FAM20C: variants seen among roughly 807,000 people sequenced by gnomAD.
FAM20C encodes the protein FAM20C golgi associated secretory pathway kinase.
FAM20C carries 40 observed loss-of-function variants against 51.5 expected under a neutral mutation model. The ratio of observed to expected loss-of-function variants is 0.78; its 90% CI spans 0.60 to 1.01. The LOEUF (loss-of-function observed/expected upper bound fraction) is 1.01, where lower values mean the gene tolerates loss of function less well. Ranked by LOEUF, FAM20C falls within the 50% of genes least tolerant of loss-of-function variation. The pLI is 0.00. For synonymous variants in FAM20C, 406 were observed against 380.6 expected (o/e 1.07, Z -0.78); for missense variants, 861 against 844.7 (o/e 1.02, Z -0.24).
At chr7:222,430 T>G (rs1787267343) in intron 3 of FAM20C, among the ~76,000 whole-genome samples, 1 of 151,630 alleles carries the variant, frequency 6.6e-6, no homozygotes, top group Non-Finnish European at 1.5e-5. Flanking sequence ...AGTAAGGGAG[T>G]GGATTGCCCT....
intron 3 of FAM20C, chr7:228,686 G>T: frequency 2.2e-6 from 1 of 456,284 alleles, no homozygotes; most frequent in South Asian, 1.5e-5. Flanking sequence ...GAGGTCCTTA[G>T]CATCTCAGCA....
chr7:257,027 CG>C lies in FAM20C; in HGVS notation c.1387del (p.Glu463ArgfsTer15). On this transcript the variant is annotated frameshift_variant, in exon 8 of 10. Coordinates refer to ENST00000313766, the MANE Select transcript of FAM20C (RefSeq NM_020223.4). LOFTEE classifies it high-confidence loss of function. ...LMGNMDRHHY[E>X]TFEKFGNETF... Reference sequence around the variant, plus strand: ...CAGGAAACATGGACCGTCACCACTACGAGACTTTTGAGAAGTTTGGGAATGA... The same window carrying C: ...CAGGAAACATGGACCGTCACCACTACAGACTTTTGAGAAGTTTGGGAATGA... 6.5e-7 allele frequency: 1 copy of C among 1,537,142 alleles called. No homozygotes were observed. Among genetic ancestry groups the C allele is most frequent in the Non-Finnish European group, 8.7e-7 (1 of 1,146,888 alleles).
intron 3 of FAM20C, among the ~76,000 whole-genome samples, chr7:241,133 C>A (rs1787935275): frequency 6.6e-6 from 1 of 151,612 alleles, no homozygotes; most frequent in African/African-American, 2.4e-5. Flanking sequence ...CTTCCTTGCC[C>A]CTGGGGCTGC....
intron 3 of FAM20C, among the ~76,000 whole-genome samples, chr7:234,243 G>A (rs1317034854): frequency 6.6e-6 from 1 of 152,246 alleles, no homozygotes; most frequent in Non-Finnish European, 1.5e-5. Flanking sequence ...GCCCTCAGTG[G>A]GACGCTGACC....
chr7:243,944 A>AATTATTATTATT lies in FAM20C; in HGVS notation c.864-2464_864-2453dup, dbSNP rs1554254464. Among the ~76,000 whole-genome samples, 552 of 136,828 alleles carry AATTATTATTATT rather than the reference A, an allele frequency of 4.0e-3. 9 individuals carry two copies. Among genetic ancestry groups the AATTATTATTATT allele is most frequent in the African/African-American group, 0.014 (531 of 36,716 alleles). The allele number at this position is 136,828 out of a possible 152,430, so 89.8% of individuals were successfully genotyped here. On this transcript the variant is annotated intron_variant, in intron 3 of 9. Transcript: ENST00000313766. ...AAATAATAATAATAATAATAATAAT[A>AATTATTATTATT]ATTATTATTATTATTATTTGGAGAC...
Position 248,367 on chromosome 7 carries a change from A to T in FAM20C, c.1009A>T (p.Thr337Ser). Residue 337 changes from threonine (T) to serine (S), a missense_variant, in exon 5 of 10, where the codon ACC becomes TCC. Physicochemically the swap from Thr to Ser is moderately conservative, Grantham distance 58. This residue lies in a region of FAM20C where 561 missense variants were observed against 499.8 expected (regional missense o/e 1.12). Coordinates refer to ENST00000313766, the MANE Select transcript of FAM20C (RefSeq NM_020223.4). ...PPVAGRMVNM[T>S]KEIRDVTRDK... ...CGTGGCCGGCAGGATGGTCAACATG[A>T]CCAAGGAGATCCGGGACGTCACACG... The T allele has an allele frequency of 6.5e-7, 1 of 1,537,114 alleles. No individual in the cohort carries two copies. Among genetic ancestry groups the T allele is most frequent in the Non-Finnish European group, 8.7e-7 (1 of 1,146,896 alleles).
chr7:192,601 G>A lies in FAM20C; in HGVS notation c.-599G>A, dbSNP rs1342037617. On this transcript the variant is annotated 5_prime_UTR_variant, in exon 1 of 10. Transcript: ENST00000313766. ...GCTCGGCCAGGCGGGAGCTGCGCTC[G>A]GGGCGGCCGCTGCACCTGCCCGGGA... 6.6e-6 allele frequency among the ~76,000 whole-genome samples: 1 copy of A among 150,536 alleles called. No homozygotes were observed. The highest frequency in any genetic ancestry group is 2.4e-5 in the African/African-American group (1 of 41,236).
At chr7:194,061 A>G (rs1785730313) in intron 1 of FAM20C, 3 of 486,438 alleles carry the variant, frequency 6.2e-6, no homozygotes, top group East Asian at 6.9e-5. Flanking sequence ...CGCGCCCTTT[A>G]GAAGCGAGTC....
chr7:214,389 G>C (rs1440441568), intron 3 of FAM20C, among the ~76,000 whole-genome samples: 1 of 152,126 alleles, frequency 6.6e-6, no homozygotes, highest in East Asian at 1.9e-4. Flanking sequence ...GGTATCATGT[G>C]AAGGACAAGC....
chr7:193,812 G>A lies in FAM20C; in HGVS notation c.605+8G>A. On this transcript the variant is annotated splice_region_variant and intron_variant, in intron 1 of 9. Coordinates refer to ENST00000313766, the MANE Select transcript of FAM20C (RefSeq NM_020223.4). ...GGCGGAGAACCCGGACTGGTGAGTG[G>A]GGGCTGGCAGGTGCCCACCCCCAAG... The A allele has an allele frequency of 6.4e-7, 1 of 1,553,554 alleles. No homozygotes were observed. The highest frequency in any genetic ancestry group is 8.7e-7 in the Non-Finnish European group (1 of 1,148,946).
rs140048285 is a variant in FAM20C at position 256,093 on chromosome 7, G to A, written c.1253+64G>A. ...ACGGCAGAGGGAGCTGGGCCTGGGC[G>A]GGCATGGGAGGGTCGGCGCCCACGG... On this transcript the variant is annotated intron_variant, in intron 6 of 9. Coordinates refer to ENST00000313766, the MANE Select transcript of FAM20C (RefSeq NM_020223.4). 2.5e-3 allele frequency: 3,817 copies of A among 1,507,920 alleles called. 87 individuals carry two copies. The African/African-American group carries it at 0.046, about 18-fold the overall frequency. The allele number at this position is 1,507,920 out of a possible 1,614,324, so 93.4% of individuals were successfully genotyped here.
At chr7:206,740 C>A (rs113447056) in intron 2 of FAM20C, among the ~76,000 whole-genome samples, 24 of 127,982 alleles carry the variant, frequency 1.9e-4, no homozygotes, top group African/African-American at 8.4e-4. Flanking sequence ...GCCCCGCACA[C>A]GTGCTCACTG....
intron 3 of FAM20C, 112 bp downstream of exon 3, chr7:209,088 C>T: frequency 9.5e-7 from 1 of 1,052,238 alleles, no homozygotes; most frequent in Non-Finnish European, 1.4e-6. Context: ...TTTGGGGAGA[C>T]TGTGGGTGAC....
intron 3 of FAM20C, among the ~76,000 whole-genome samples, chr7:222,530 C>T (rs1483545986): frequency 6.6e-6 from 1 of 152,150 alleles, no homozygotes; most frequent in South Asian, 2.1e-4. Context: ...GCACAGGTGT[C>T]CACGGAGGCC....
chr7:204,836 T>G, intron 2 of FAM20C, among the ~76,000 whole-genome samples: 1 of 152,022 alleles, frequency 6.6e-6, no homozygotes, highest in East Asian at 1.9e-4. Flanking sequence ...CTGCCGCTGT[T>G]CTCAGTGTTC....
At chr7:194,478 A>C (rs1211430343) in intron 1 of FAM20C, among the ~76,000 whole-genome samples, 1 of 149,308 alleles carries the variant, frequency 6.7e-6, no homozygotes. Context: ...GCAGTGGAAC[A>C]TTAACCACGA....
chr7:198,948 G>C (rs1006062845), intron 2 of FAM20C, among the ~76,000 whole-genome samples: 2 of 152,242 alleles, frequency 1.3e-5, no homozygotes, highest in African/African-American at 4.8e-5. Context: ...GATGCTCACA[G>C]GTGAGTTCTC....
At chr7:253,723 C>T (rs1359930871) in intron 5 of FAM20C, among the ~76,000 whole-genome samples, 2 of 152,130 alleles carry the variant, frequency 1.3e-5, no homozygotes, top group African/African-American at 4.8e-5. Flanking sequence ...TCCAAGCCCT[C>T]CTAACCCCGC....
At chr7:225,995 C>T (rs1787429147) in intron 3 of FAM20C, among the ~76,000 whole-genome samples, 1 of 151,766 alleles carries the variant, frequency 6.6e-6, no homozygotes, top group Admixed American at 6.6e-5. Flanking sequence ...CGGCGGCTGT[C>T]CCCTGAGCCT....
Sources: allele counts gnomAD v4.1 joint callset (sites outside exome capture counted in the v4.1 genomes callset), GRCh38; gene constraint gnomAD v4.1.1; regional missense constraint gnomAD v4.1.1; transcripts MANE v1.5; gene names NCBI Gene and HGNC (gene_info 2026-07-23, HGNC 2026-07-21).